RPL38: variants seen among roughly 807,000 people sequenced by gnomAD.
RPL38 encodes the protein ribosomal protein L38.
In RPL38, 2 loss-of-function variants were observed where a neutral mutation model predicts 12.8. The observed-to-expected ratio is 0.16, with a 90% CI of 0.06 to 0.49. The LOEUF (loss-of-function observed/expected upper bound fraction) is 0.49, where lower values mean the gene tolerates loss of function less well. RPL38 is among the 20% of genes least tolerant of loss of function. RPL38 has a pLI of 0.96. For missense variants in RPL38, 52 were observed against 79.8 expected (o/e 0.65, Z 1.33); for synonymous variants, 42 against 30.1 (o/e 1.39, Z -1.29).
chr17:74,203,863 C>A, intron 1 of RPL38, 55 bp from the exon 2 acceptor site: 5 of 1,440,496 alleles, frequency 3.5e-6, no homozygotes, highest in Non-Finnish European at 4.7e-6. Context: ...AGCGGGAAAA[C>A]GGGGTTCGCT....
chr17:74,205,402 C>T (rs1171447552), intron 3 of RPL38: 1 of 152,236 alleles, frequency 6.6e-6, no homozygotes, highest in Admixed American at 6.5e-5. Context: ...CTCTAATGCT[C>T]TGCCAGCCGT....
Position 74,203,942 on chromosome 17 carries a change from C to T in RPL38, c.-14C>T. On this transcript the variant is annotated 5_prime_UTR_variant, in exon 2 of 5. Transcript: ENST00000311111. ...GGTCCTGGTCCGCGCCAGAGCCCAG[C>T]GCGCCTCGTCGCCATGGTGAGTACA... 2 of 1,605,392 alleles carry T rather than the reference C, an allele frequency of 1.2e-6. No individual in the cohort carries two copies. Among genetic ancestry groups the T allele is most frequent in the Non-Finnish European group, 1.7e-6 (2 of 1,174,124 alleles).
At position 74,209,958 on chromosome 17, in the gene RPL38, C is replaced by T. The variant is rs1305744494; in HGVS notation, c.*129C>T. The T allele has an allele frequency of 2.4e-5, 13 of 548,110 alleles. No individual in the cohort carries two copies. The highest frequency in any genetic ancestry group is 6.1e-5 in the South Asian group (3 of 49,288). The allele number at this position is 548,110 out of a possible 1,614,324, so 34.0% of individuals were successfully genotyped here. Reference sequence around the variant, plus strand: ...TTCTGATGGGAACAGGACGCGGGTTCTGTTGCTGCCTTCCTGTGTCTTTTT... The same window carrying T: ...TTCTGATGGGAACAGGACGCGGGTTTTGTTGCTGCCTTCCTGTGTCTTTTT... On this transcript the variant is annotated 3_prime_UTR_variant, in exon 5 of 5. Coordinates refer to ENST00000311111, the MANE Select transcript of RPL38 (RefSeq NM_000999.4).
At position 74,209,974 on chromosome 17, in the gene RPL38, G is replaced by A; in HGVS notation, c.*145G>A. On this transcript the variant is annotated 3_prime_UTR_variant, in exon 5 of 5. Transcript: ENST00000311111. ...ACGCGGGTTCTGTTGCTGCCTTCCTGTGTCTTTTTTTTTTTTTTTTTTTCT... is the reference window on the plus strand; with the variant it reads ...ACGCGGGTTCTGTTGCTGCCTTCCTATGTCTTTTTTTTTTTTTTTTTTTCT... 1 of 473,904 alleles carries A rather than the reference G, an allele frequency of 2.1e-6. No individual in the cohort carries two copies. 29.4% of individuals were successfully genotyped at this position (473,904 alleles called of 1,614,324 possible).
intron 3 of RPL38, among the ~76,000 whole-genome samples, chr17:74,208,009 A>G (rs1391723185): frequency 6.6e-6 from 1 of 152,084 alleles, no homozygotes; most frequent in Non-Finnish European, 1.5e-5. Context: ...CCCCATTCCT[A>G]TAGTAGTTAC....
In RPL38 at chr17:74,209,199, A is replaced by C; in HGVS notation, c.77A>C (p.Lys26Thr). ...RRKDAKSVKIKKNKDNVKFKV... is the reference protein window; with the variant it reads ...RRKDAKSVKITKNKDNVKFKV... ...TGGTCTCCGGTAGCTGTCAAGATCA[A>C]GAAAAATAAGGACAACGTGAAGTTT... Residue 26 changes from lysine (K) to threonine (T), a missense_variant, in exon 4 of 5, where the codon AAG becomes ACG. Coordinates refer to ENST00000311111, the MANE Select transcript of RPL38 (RefSeq NM_000999.4). The C allele has an allele frequency of 1.2e-6, 2 of 1,613,868 alleles. No individual in the cohort carries two copies. Among genetic ancestry groups the C allele is most frequent in the Non-Finnish European group, 1.7e-6 (2 of 1,179,882 alleles).
intron 3 of RPL38, among the ~76,000 whole-genome samples, chr17:74,207,334 A>G (rs980866867): frequency 1.3e-5 from 2 of 151,868 alleles, no homozygotes; most frequent in Non-Finnish European, 2.9e-5. Flanking sequence ...CGAGTTTTCC[A>G]TTGTGTGGGT....
intron 3 of RPL38, 136 bp from the exon 4 acceptor site, chr17:74,209,051 G>C (rs959168971): frequency 9.2e-5 from 81 of 879,518 alleles, no homozygotes; most frequent in African/African-American, 1.3e-4. Context: ...AGTGTTTTCT[G>C]TTTGCACAGA....
rs1334766176 is a variant in RPL38 at position 74,209,808 on chromosome 17, G to C, written c.192G>C (p.Leu64Phe). ...EKLKQSLPPG[L>F]AVKELK is the part of the protein sequence containing the mutation. ...CTTTTGTCTCTTTCCCTCTAGGTTTGGCAGTGAAGGAACTGAAATGAACCA... is the reference window on the plus strand; with the variant it reads ...CTTTTGTCTCTTTCCCTCTAGGTTTCGCAGTGAAGGAACTGAAATGAACCA... Residue 64 changes from leucine (L) to phenylalanine (F), a missense_variant, in exon 5 of 5, where the codon TTG (leucine) becomes TTC (phenylalanine). Coordinates refer to ENST00000311111, the MANE Select transcript of RPL38 (RefSeq NM_000999.4). The C allele has an allele frequency of 6.2e-7, 1 of 1,612,550 alleles. No individual in the cohort carries two copies. The highest frequency in any genetic ancestry group is 1.3e-5 in the African/African-American group (1 of 74,838).
Position 74,210,110 on chromosome 17 carries a change from C to CG in RPL38, c.*281_*282insG. Reference sequence around the variant, plus strand: ...TCAAGCGACTGTCCTGCCTCAGCCTCCCGAGTGGCTGGGATTACAGGCACA... The same window carrying CG: ...TCAAGCGACTGTCCTGCCTCAGCCTCGCCGAGTGGCTGGGATTACAGGCACA... On this transcript the variant is annotated 3_prime_UTR_variant, in exon 5 of 5. Transcript: ENST00000311111. 1 of 340,882 alleles carries CG rather than the reference C, an allele frequency of 2.9e-6. No individual in the cohort carries two copies. Among genetic ancestry groups the CG allele is most frequent in the Non-Finnish European group, 5.4e-6 (1 of 186,630 alleles). The allele number at this position is 340,882 out of a possible 1,614,324, so 21.1% of individuals were successfully genotyped here. A position where few individuals can be genotyped will look rare whatever the true frequency, so the allele number is the denominator to read the frequency against.
In RPL38 at chr17:74,203,697, G is replaced by A. The variant is rs979506545; in HGVS notation, c.-87G>A. On this transcript the variant is annotated 5_prime_UTR_variant, in exon 1 of 5. Transcript: ENST00000311111. ...CTCGTTCTTTTTCGTCCTTTTCCCC[G>A]GTTGCTGCTTGCTGTGAGTGTCTCT... The A allele has an allele frequency of 2.0e-5, 10 of 501,664 alleles. No homozygotes were observed. Among genetic ancestry groups the A allele is most frequent in the Middle Eastern group, 5.2e-4 (1 of 1,920 alleles). The allele number at this position is 501,664 out of a possible 1,614,324, so 31.1% of individuals were successfully genotyped here. A position where few individuals can be genotyped will look rare whatever the true frequency, so the allele number is the denominator to read the frequency against.
intron 4 of RPL38, 119 bp from the exon 5 acceptor site, chr17:74,209,685 C>A: frequency 1.2e-6 from 1 of 855,626 alleles, no homozygotes; most frequent in Non-Finnish European, 2.0e-6. Context: ...CGAAACTTCG[C>A]TGGTGGATCT....
chr17:74,203,829 G>T, intron 1 of RPL38, 84 bp downstream of exon 1: 1 of 1,227,500 alleles, frequency 8.1e-7, no homozygotes, highest in Non-Finnish European at 1.1e-6. Context: ...AGGGGAGTGC[G>T]ATGGGGCCGA....
Position 74,207,038 on chromosome 17 carries a change from G to A in RPL38, c.65-2149G>A, listed in dbSNP as rs544456999. On this transcript the variant is annotated intron_variant, in intron 3 of 4. Coordinates refer to ENST00000311111, the MANE Select transcript of RPL38 (RefSeq NM_000999.4). ...GCCTGCAATTTGCTTTTTTTAAACAGGGTCTCACTCCTGCCCAGGCTGGAG... is the reference window on the plus strand; with the variant it reads ...GCCTGCAATTTGCTTTTTTTAAACAAGGTCTCACTCCTGCCCAGGCTGGAG... 3.3e-5 allele frequency among the ~76,000 whole-genome samples: 5 copies of A among 151,698 alleles called. No homozygotes were observed. The East Asian group carries it at 9.7e-4, about 30-fold the overall frequency.
At chr17:74,207,531 T>C (rs1699366606) in intron 3 of RPL38, among the ~76,000 whole-genome samples, 1 of 151,848 alleles carries the variant, frequency 6.6e-6, no homozygotes, top group Non-Finnish European at 1.5e-5. Context: ...TTTTTTTTAT[T>C]TATTTTTTTT....
intron 3 of RPL38, among the ~76,000 whole-genome samples, chr17:74,208,820 A>G (rs1190593933): frequency 1.3e-5 from 2 of 152,154 alleles, no homozygotes. Context: ...CTGTAATCCC[A>G]GCTACTCCAG....
intron 4 of RPL38, chr17:74,209,516 C>T (rs1030649849): frequency 5.9e-6 from 4 of 674,086 alleles, no homozygotes; most frequent in Non-Finnish European, 9.9e-6. Context: ...GCCAGAAGAG[C>T]GGTTAGAGCT....
intron 4 of RPL38, 94 bp from the exon 5 acceptor site, chr17:74,209,710 G>T: frequency 9.5e-7 from 1 of 1,053,524 alleles, no homozygotes; most frequent in South Asian, 1.3e-5. Context: ...TCTGAACCTT[G>T]TGTGCTCTCT....
rs1195075566 is a variant in RPL38, at chr17:74,210,174, G to A, written c.*345G>A. 4.8e-6 allele frequency: 1 copy of A among 209,488 alleles called. No homozygotes were observed. The highest frequency in any genetic ancestry group is 2.3e-5 in the African/African-American group (1 of 42,824). 13.0% of individuals were successfully genotyped at this position (209,488 alleles called of 1,614,324 possible). A position where few individuals can be genotyped will look rare whatever the true frequency, so the allele number is the denominator to read the frequency against. ...GGCCAATTTTTGTATTTGTAGTAGA[G>A]ACAGGGTTTCACTGCCTGCCTCAGC... is the stretch of plus-strand genomic sequence containing the variant. On this transcript the variant is annotated 3_prime_UTR_variant, in exon 5 of 5. Coordinates refer to ENST00000311111, the MANE Select transcript of RPL38 (RefSeq NM_000999.4).
Sources: allele counts gnomAD v4.1 joint callset (sites outside exome capture counted in the v4.1 genomes callset), GRCh38; gene constraint gnomAD v4.1.1; transcripts MANE v1.5; gene names NCBI Gene and HGNC (gene_info 2026-07-23, HGNC 2026-07-21).